Variants in ITFG1 observed in about 807,000 individuals in gnomAD.
The protein encoded by ITFG1 is T-cell immunomodulatory protein.
ITFG1 carries 34 observed loss-of-function variants against 81.8 expected under a neutral mutation model. The ratio of observed to expected loss-of-function variants is 0.42; its 90% CI spans 0.32 to 0.55. The LOEUF is 0.55. Among genes scored for constraint, ITFG1 ranks in the 20% least tolerant of loss-of-function variants. The pLI is 0.17. For missense variants in ITFG1, 672 were observed against 755.4 expected (o/e 0.89, Z 1.29); for synonymous variants, 285 against 270.6 (o/e 1.05, Z -0.52).
chr16:47,315,776 T>C (rs192696363), intron 8 of ITFG1, among the ~76,000 whole-genome samples: 35 of 146,452 alleles, frequency 2.4e-4, no homozygotes, highest in Admixed American at 5.3e-4. Flanking sequence ...GCCATATATA[T>C]ATACACATAT....
chr16:47,239,693 A>G (rs1239387382), intron 12 of ITFG1, among the ~76,000 whole-genome samples: 1 of 152,188 alleles, frequency 6.6e-6, no homozygotes, highest in Admixed American at 6.5e-5. Flanking sequence ...GCAGTTTTCA[A>G]TGTTTAAATT....
chr16:47,429,701 T>C (rs1347217248), intron 5 of ITFG1, among the ~76,000 whole-genome samples: 11 of 152,238 alleles, frequency 7.2e-5, no homozygotes, highest in Admixed American at 6.5e-4. Context: ...TTGCTGTGGT[T>C]ACTGGCCATC....
chr16:47,288,398 T>C (rs139509978), intron 10 of ITFG1, among the ~76,000 whole-genome samples: 183 of 152,338 alleles, frequency 1.2e-3, no homozygotes, highest in African/African-American at 4.1e-3. Context: ...AGAGCTGCAA[T>C]AAACATGGGG....
At chr16:47,299,549 G>A (rs1967041253) in intron 10 of ITFG1, 1 of 152,414 alleles carries the variant, frequency 6.6e-6, no homozygotes, top group Non-Finnish European at 1.5e-5. Context: ...ATGGGGGTTG[G>A]AGGACAGTTC....
At chr16:47,291,526 AG>A (rs1052585597) in intron 10 of ITFG1, among the ~76,000 whole-genome samples, 27 of 152,300 alleles carry the variant, frequency 1.8e-4, no homozygotes, top group Admixed American at 1.6e-3. Context: ...TTCATTAACC[AG>A]ATTTTCTATG....
intron 12 of ITFG1, among the ~76,000 whole-genome samples, chr16:47,248,351 C>T (rs1449415258): frequency 6.6e-6 from 1 of 152,110 alleles, no homozygotes; most frequent in African/African-American, 2.4e-5. Flanking sequence ...CTTTTCCTGA[C>T]TTTCCAAATG....
At chr16:47,155,971 T>TA (rs1201351384) in intron 17 of ITFG1, among the ~76,000 whole-genome samples, 193 bp from the exon 18 acceptor site, 1 of 152,190 alleles carries the variant, frequency 6.6e-6, no homozygotes, top group Non-Finnish European at 1.5e-5. Context: ...TCTAATTGAT[T>TA]AAAAAACAAT....
In ITFG1 at chr16:47,453,802, T is replaced by C. The variant is rs77692087; in HGVS notation, c.427+211A>G. Among the ~76,000 whole-genome samples the C allele has an allele frequency of 8.6e-3, 1,310 of 152,330 alleles. 8 individuals are homozygous for C. Among genetic ancestry groups the C allele is most frequent in the Admixed American group, 0.013 (199 of 15,300 alleles). On this transcript the variant is annotated intron_variant, in intron 3 of 17. Coordinates refer to ENST00000320640, the MANE Select transcript of ITFG1 (RefSeq NM_030790.5). ...AATCCTTTAATAAATCTCTGTCCTC[T>C]TTAAGCTAGTAAGAATGAAGTTTGT... is the stretch of plus-strand genomic sequence containing the variant.
Position 47,226,396 on chromosome 16 carries a change from A to C in ITFG1, c.1375-7450T>G, listed in dbSNP as rs569411283. Reference sequence around the variant, plus strand: ...GGTTAATTTTTGTATTTTTATATTAAGTTTTAGGGTACATGTGCACAACGT... The same window carrying C: ...GGTTAATTTTTGTATTTTTATATTACGTTTTAGGGTACATGTGCACAACGT... On this transcript the variant is annotated intron_variant, in intron 13 of 17. Transcript: ENST00000320640. Among the ~76,000 whole-genome samples, 1,070 of 152,218 alleles carry C rather than the reference A, an allele frequency of 7.0e-3. 11 individuals are homozygous for C. Among genetic ancestry groups the C allele is most frequent in the Non-Finnish European group, 0.01 (687 of 68,004 alleles).
chr16:47,400,850 C>G (rs1012691170), intron 6 of ITFG1, among the ~76,000 whole-genome samples: 3 of 152,082 alleles, frequency 2.0e-5, no homozygotes, highest in African/African-American at 7.2e-5. Context: ...TGGCGGGGAC[C>G]AGACCAGAAA....
At position 47,451,407 on chromosome 16, in the gene ITFG1, T is replaced by A; in HGVS notation, c.549A>T (p.Ile183=). Residue 183 remains isoleucine, a synonymous_variant, in exon 5 of 18, where the codon ATA becomes ATT. Transcript: ENST00000320640. ...GITNESNQPQ[I]LLGGNLSWHP... is the part of the protein sequence containing the mutation. ...CCATATTTACTCACCCTCCTAATAG[T>A]ATCTGTGGCTGGTTGGATTCATTTG... 6.4e-7 allele frequency: 1 copy of A among 1,552,796 alleles called. No homozygotes were observed. The highest frequency in any genetic ancestry group is 8.9e-7 in the Non-Finnish European group (1 of 1,125,148).
chr16:47,349,671 G>T (rs1268291691), intron 8 of ITFG1, among the ~76,000 whole-genome samples: 2 of 152,108 alleles, frequency 1.3e-5, no homozygotes, highest in Non-Finnish European at 2.9e-5. Context: ...AGTTAACAAG[G>T]ATATCCAGGA....
At chr16:47,277,501 T>G (rs767595728) in intron 10 of ITFG1, among the ~76,000 whole-genome samples, 1 of 152,314 alleles carries the variant, frequency 6.6e-6, no homozygotes, top group South Asian at 2.1e-4. Flanking sequence ...GCTGACTGTA[T>G]TTATTGAAAA....
At chr16:47,287,606 T>C (rs1429949853) in intron 10 of ITFG1, among the ~76,000 whole-genome samples, 2 of 152,032 alleles carry the variant, frequency 1.3e-5, no homozygotes, top group Non-Finnish European at 2.9e-5. Flanking sequence ...CCTCACTATG[T>C]TATCCAGGCT....
chr16:47,156,292 AG>A (rs1964704340), intron 17 of ITFG1, among the ~76,000 whole-genome samples: 1 of 152,116 alleles, frequency 6.6e-6, no homozygotes, highest in Admixed American at 6.5e-5. Context: ...TACAAAAATT[AG>A]CTGAGTGTGG....
rs557252572 is a variant in ITFG1, at chr16:47,181,315, G to A, written c.1454-18651C>T. ...CGTCTCTGTCTGGGAAGTGAGGAGCGTCTCCGCCTGGCAGCCGCCCCGTCC... is the reference window on the plus strand; with the variant it reads ...CGTCTCTGTCTGGGAAGTGAGGAGCATCTCCGCCTGGCAGCCGCCCCGTCC... On this transcript the variant is annotated intron_variant, in intron 14 of 17. Coordinates refer to ENST00000320640, the MANE Select transcript of ITFG1 (RefSeq NM_030790.5). 1.5e-4 allele frequency among the ~76,000 whole-genome samples: 22 copies of A among 150,354 alleles called. No individual in the cohort carries two copies. In the East Asian group the frequency reaches 2.6e-3, roughly 18 times the overall value.
At chr16:47,340,345 T>C (rs555770664) in intron 8 of ITFG1, among the ~76,000 whole-genome samples, 1 of 152,208 alleles carries the variant, frequency 6.6e-6, no homozygotes, top group Non-Finnish European at 1.5e-5. Context: ...ATAAATATTA[T>C]GTATTGAGCA....
At position 47,454,152 on chromosome 16, in the gene ITFG1, G is replaced by A; in HGVS notation, c.288C>T (p.His96=). ...GGACTACACTTGTTATCAATGCACT[G>A]TGATTCCTAAAAGAAACAAGCATTT... is the stretch of plus-strand genomic sequence containing the variant. ...KPKVKVSFKN[H]SALITSVVPG... Residue 96 remains histidine, a synonymous_variant, in exon 3 of 18, where the codon CAC becomes CAT. Transcript: ENST00000320640. 1.9e-6 allele frequency: 3 copies of A among 1,599,414 alleles called. No homozygotes were observed. The highest frequency in any genetic ancestry group is 2.6e-6 in the Non-Finnish European group (3 of 1,171,100).
intron 12 of ITFG1, among the ~76,000 whole-genome samples, chr16:47,244,754 T>C (rs1305451170): frequency 6.6e-6 from 1 of 151,792 alleles, no homozygotes; most frequent in Admixed American, 6.6e-5. Context: ...ACAGGGCCTC[T>C]AAGGAAGCAA....
Sources: allele counts gnomAD v4.1 joint callset (sites outside exome capture counted in the v4.1 genomes callset), GRCh38; gene constraint gnomAD v4.1.1; transcripts MANE v1.5; gene names NCBI Gene and HGNC (gene_info 2026-07-23, HGNC 2026-07-21).